The following IQCM variants were observed in gnomAD, a reference collection of about 807,000 sequenced individuals.
The protein encoded by IQCM is IQ motif containing M.
A neutral mutation model predicts 57.6 loss-of-function variants in IQCM; 45 were observed. The observed-to-expected ratio is 0.78, with a 90% confidence interval of 0.62 to 1.00. The LOEUF is 1.00. Ranked by LOEUF, IQCM falls within the 50% of genes least tolerant of loss-of-function variation. The probability of loss-of-function intolerance (pLI) is 0.00; values close to 1 mark genes in which losing one functional copy is unlikely to be tolerated. For missense variants in IQCM, 468 were observed against 511.6 expected (o/e 0.91, Z 0.82); for synonymous variants, 148 against 158.9 (o/e 0.93, Z 0.51).
chr4:149,602,325 C>T (rs1450733584), intron 8 of IQCM, among the ~76,000 whole-genome samples: 2 of 152,102 alleles, frequency 1.3e-5, no homozygotes, highest in Non-Finnish European at 2.9e-5. Flanking sequence ...AATTTGGATA[C>T]TGGAACCAAT....
At chr4:149,503,415 C>A (rs1743469705) in intron 12 of IQCM, among the ~76,000 whole-genome samples, 1 of 152,028 alleles carries the variant, frequency 6.6e-6, no homozygotes, top group African/African-American at 2.4e-5. Context: ...CCTCATCATC[C>A]AGATTAAAGA....
intron 8 of IQCM, among the ~76,000 whole-genome samples, chr4:149,617,566 G>A (rs1282807864): frequency 6.6e-6 from 1 of 152,000 alleles, no homozygotes; most frequent in Non-Finnish European, 1.5e-5. Context: ...TGACCACCTG[G>A]TGTCCACTCC....
chr4:149,664,719 G>A (rs1579912595), intron 7 of IQCM, among the ~76,000 whole-genome samples: 1 of 152,258 alleles, frequency 6.6e-6, no homozygotes, highest in Admixed American at 6.5e-5. Context: ...ACTTTCTAAG[G>A]GTGCAGGGCT....
chr4:149,455,400 T>C (rs1407216605), intron 12 of IQCM, among the ~76,000 whole-genome samples: 1 of 152,086 alleles, frequency 6.6e-6, no homozygotes, highest in Admixed American at 6.6e-5. Flanking sequence ...TGACATCCTG[T>C]GAGAATGCCC....
chr4:149,363,140 T>C (rs1729607473), intron 13 of IQCM, among the ~76,000 whole-genome samples: 1 of 152,234 alleles, frequency 6.6e-6, no homozygotes, highest in Admixed American at 6.5e-5. Context: ...AGAGCATCAG[T>C]GCTCTGGGAT....
At chr4:149,783,592 C>G (rs1018016887) in intron 2 of IQCM, among the ~76,000 whole-genome samples, 1 of 152,176 alleles carries the variant, frequency 6.6e-6, no homozygotes, top group Non-Finnish European at 1.5e-5. Flanking sequence ...GATCCTTGCC[C>G]TTTGATATTC....
intron 2 of IQCM, among the ~76,000 whole-genome samples, chr4:149,762,880 C>A (rs1007585343): frequency 6.6e-6 from 1 of 151,964 alleles, no homozygotes; most frequent in African/African-American, 2.4e-5. Flanking sequence ...TCTGTTGCCA[C>A]ATAGCAATTT....
intron 12 of IQCM, among the ~76,000 whole-genome samples, chr4:149,512,029 T>C (rs1744477104): frequency 6.6e-6 from 1 of 152,230 alleles, no homozygotes; most frequent in African/African-American, 2.4e-5. Context: ...ACAGGGCCTC[T>C]GCTTTCATGA....
intron 7 of IQCM, among the ~76,000 whole-genome samples, chr4:149,631,789 G>C (rs1757287848): frequency 6.6e-6 from 1 of 151,998 alleles, no homozygotes; most frequent in Non-Finnish European, 1.5e-5. Flanking sequence ...TATTCTAATT[G>C]TTTTTTTCTC....
At chr4:149,555,989 A>G (rs2149915909) in intron 10 of IQCM, among the ~76,000 whole-genome samples, 1 of 152,324 alleles carries the variant, frequency 6.6e-6, no homozygotes, top group East Asian at 1.9e-4. Context: ...TGGTCCATCC[A>G]TGTGGTTTTT....
At chr4:149,493,169 C>T (rs1326759686) in intron 12 of IQCM, among the ~76,000 whole-genome samples, 8 of 152,048 alleles carry the variant, frequency 5.3e-5, no homozygotes, top group African/African-American at 1.7e-4. Context: ...TTTCTCAATA[C>T]CCTCATATTC....
At chr4:149,410,044 C>CATG (rs1445344213) in intron 13 of IQCM, among the ~76,000 whole-genome samples, 8 of 152,138 alleles carry the variant, frequency 5.3e-5, no homozygotes, top group Non-Finnish European at 1.2e-4. Flanking sequence ...ATTAGCCAGG[C>CATG]ATGGCGGTGG....
At chr4:149,388,757 T>C (rs1045633230) in intron 13 of IQCM, among the ~76,000 whole-genome samples, 12 of 145,564 alleles carry the variant, frequency 8.2e-5, no homozygotes, top group Non-Finnish European at 1.4e-4. Flanking sequence ...ATATAATATA[T>C]ATATGACATA....
chr4:149,704,171 T>C (rs1321684450), intron 5 of IQCM, among the ~76,000 whole-genome samples: 1 of 151,944 alleles, frequency 6.6e-6, no homozygotes, highest in Non-Finnish European at 1.5e-5. Context: ...TTTTACTTTA[T>C]TAACATATCA....
At chr4:149,420,004 G>A (rs933048271) in intron 13 of IQCM, among the ~76,000 whole-genome samples, 2 of 152,148 alleles carry the variant, frequency 1.3e-5, no homozygotes, top group Non-Finnish European at 2.9e-5. Flanking sequence ...AGATGCTGGT[G>A]AGGTTGTAGA....
chr4:149,565,394 C>A (rs1750524288), intron 9 of IQCM, among the ~76,000 whole-genome samples: 1 of 152,138 alleles, frequency 6.6e-6, no homozygotes, highest in Non-Finnish European at 1.5e-5. Context: ...TTTGACCCAG[C>A]CACAAAGTCT....
In IQCM at chr4:149,798,988, T is replaced by A. The variant is rs187851248; in HGVS notation, c.-49+16323A>T. 3.3e-5 allele frequency among the ~76,000 whole-genome samples: 5 copies of A among 151,424 alleles called. No homozygotes were observed. In the East Asian group the frequency reaches 9.7e-4, roughly 29 times the overall value. ...TGCACTATACACCAATTGGATCTAATAGATATTTACAGAATATTTCATCCA... is the reference window on the plus strand; with the variant it reads ...TGCACTATACACCAATTGGATCTAAAAGATATTTACAGAATATTTCATCCA... On this transcript the variant is annotated intron_variant, in intron 2 of 13. Transcript: ENST00000636793.
At chr4:149,541,423 T>G (rs551459194) in intron 12 of IQCM, among the ~76,000 whole-genome samples, 1 of 152,120 alleles carries the variant, frequency 6.6e-6, no homozygotes, top group East Asian at 1.9e-4. Context: ...TTATCTTAAT[T>G]GCAGAAAATG....
rs1752274821 is a variant in IQCM at position 149,582,326 on chromosome 4, A to T, written c.749+5604T>A. 3.6e-4 allele frequency among the ~76,000 whole-genome samples: 4 copies of T among 11,222 alleles called. No individual in the cohort carries two copies. The South Asian group carries it at 0.018, about 51-fold the overall frequency. The allele number at this position is 11,222 out of a possible 152,430, so 7.4% of individuals were successfully genotyped here. On this transcript the variant is annotated intron_variant, in intron 9 of 13. Coordinates refer to ENST00000636793, the MANE Select transcript of IQCM (RefSeq NM_001363507.2). ...TGTAGACATATATATATATATATAT[A>T]TATATATATATATATATATATATAT...
Sources: gnomAD v4.1 joint callset for allele counts (sites outside exome capture counted in the v4.1 genomes callset) on GRCh38, gnomAD v4.1.1 for gene constraint, MANE v1.5 for transcripts, NCBI Gene and HGNC (gene_info 2026-07-23, HGNC 2026-07-21) for gene names.